The following WDR5 variants were observed in gnomAD, a reference collection of about 807,000 sequenced individuals.
WDR5 encodes the protein WD repeat domain 5, also known as WD repeat-containing protein 5.
For missense variants in WDR5, 187 were observed against 416.9 expected (o/e 0.45, Z 4.80); for synonymous variants, 144 against 161.6 (o/e 0.89, Z 0.83).
chr9:134,158,022 G>C lies in WDR5; in HGVS notation c.*29G>C, dbSNP rs1203129645. 6.2e-7 allele frequency: 1 copy of C among 1,605,392 alleles called. No homozygotes were observed. The highest frequency in any genetic ancestry group is 8.5e-7 in the Non-Finnish European group (1 of 1,172,246). The stretch of plus-strand genomic sequence containing the variant: ...CCTTTGCTCCTGCCCGCGAGAGACT[G>C]TCGGGAAGTTGACCCGGATTGGCAA... On this transcript the variant is annotated 3_prime_UTR_variant, in exon 14 of 14. Coordinates refer to ENST00000358625, the MANE Select transcript of WDR5 (RefSeq NM_017588.3).
At chr9:134,145,096 G>GTTTTTTTTTTGTTT (rs1832110449) in intron 7 of WDR5, among the ~76,000 whole-genome samples, 2 of 104,664 alleles carry the variant, frequency 1.9e-5, no homozygotes, top group African/African-American at 6.9e-5. Flanking sequence ...GTGGGGCTTT[G>GTTTTTTTTTTGTTT]TTTTTTTTTT....
rs752479596 is a variant in WDR5, at chr9:134,158,024, C to T, written c.*31C>T. ...TTTGCTCCTGCCCGCGAGAGACTGT[C>T]GGGAAGTTGACCCGGATTGGCAAGA... On this transcript the variant is annotated 3_prime_UTR_variant, in exon 14 of 14. Coordinates refer to ENST00000358625, the MANE Select transcript of WDR5 (RefSeq NM_017588.3). 12 of 1,603,874 alleles carry T rather than the reference C, an allele frequency of 7.5e-6. No homozygotes were observed. The highest frequency in any genetic ancestry group is 5.5e-5 in the South Asian group (5 of 90,798).
chr9:134,157,828 C>A lies in WDR5; in HGVS notation c.905-65C>A. ...TTTCTGGAGAAAGGTGGAGCTCAGT[C>A]TGGGATGGCGTCCCCGACCCAGGCG... On this transcript the variant is annotated intron_variant, in intron 13 of 13. Coordinates refer to ENST00000358625, the MANE Select transcript of WDR5 (RefSeq NM_017588.3). The surrounding 1 kb of genome is among the most constrained non-coding windows in gnomAD (Gnocchi z 5.0). 1 of 1,517,592 alleles carries A rather than the reference C, an allele frequency of 6.6e-7. No individual in the cohort carries two copies. Among genetic ancestry groups the A allele is most frequent in the Non-Finnish European group, 9.1e-7 (1 of 1,095,548 alleles). The allele number at this position is 1,517,592 out of a possible 1,614,324, so 94.0% of individuals were successfully genotyped here.
At chr9:134,142,846 A>C in intron 7 of WDR5, 127 bp downstream of exon 7, 2 of 936,146 alleles carry the variant, frequency 2.1e-6, no homozygotes, top group East Asian at 4.9e-5. Context: ...TCCTGCTGTC[A>C]TGCCACAGTC....
At chr9:134,137,454 G>A (rs28533919) in intron 1 of WDR5, among the ~76,000 whole-genome samples, 4,461 of 152,048 alleles carry the variant, frequency 0.029, 227 homozygotes, top group African/African-American at 0.1. Flanking sequence ...AGGCTGAGGC[G>A]GGCGGATTGC....
chr9:134,152,549 G>A (rs910939360), intron 9 of WDR5, among the ~76,000 whole-genome samples: 1 of 152,212 alleles, frequency 6.6e-6, no homozygotes, highest in African/African-American at 2.4e-5. Context: ...GTGACGGCCC[G>A]GGGTTCCCAG....
rs2132602439 is a variant in WDR5, at chr9:134,159,556, AG to A, written c.*1565del. 6.6e-6 allele frequency: 1 copy of A among 152,288 alleles called. No individual in the cohort carries two copies. The highest frequency in any genetic ancestry group is 1.9e-4 in the East Asian group (1 of 5,166). The allele number at this position is 152,288 out of a possible 1,614,324, so 9.4% of individuals were successfully genotyped here. On this transcript the variant is annotated 3_prime_UTR_variant, in exon 14 of 14. Transcript: ENST00000358625. This position sits in a 1 kb window ranked among gnomAD's most constrained non-coding sequence, Gnocchi z 4.3. Reference sequence around the variant, plus strand: ...TGGAGGTCCTCGAGTGGCAGGGGTGAGGAGGGGATTATCTGAGGCATCTGGA... The same window carrying A: ...TGGAGGTCCTCGAGTGGCAGGGGTGAGAGGGGATTATCTGAGGCATCTGGA...
intron 9 of WDR5, among the ~76,000 whole-genome samples, chr9:134,153,763 TG>T (rs1413754960): frequency 6.7e-6 from 1 of 149,580 alleles, no homozygotes; most frequent in Non-Finnish European, 1.5e-5. Flanking sequence ...GGGTCTCTGG[TG>T]GGGCCCAGGG....
At chr9:134,135,699 G>C (rs1831501560), upstream of WDR5, 1 of 152,122 alleles carries the variant, frequency 6.6e-6, no homozygotes, top group African/African-American at 2.4e-5. Flanking sequence ...GAAGGGGCCT[G>C]GTCGCCCGGG....
rs1831881298 is a variant in WDR5 at position 134,141,423 on chromosome 9, C to T, written c.191-87C>T. On this transcript the variant is annotated intron_variant, in intron 3 of 13. Coordinates refer to ENST00000358625, the MANE Select transcript of WDR5 (RefSeq NM_017588.3). Reference sequence around the variant, plus strand: ...TGGTTCATGCTGATCACCTGGGACTCATGTGGGAAAAGCTCAGACTTTGGA... The same window carrying T: ...TGGTTCATGCTGATCACCTGGGACTTATGTGGGAAAAGCTCAGACTTTGGA... 22 of 1,326,022 alleles carry T rather than the reference C, an allele frequency of 1.7e-5. No individual in the cohort carries two copies. In the South Asian group the frequency reaches 2.6e-4, roughly 16 times the overall value. The allele number at this position is 1,326,022 out of a possible 1,614,324, so 82.1% of individuals were successfully genotyped here.
At chr9:134,136,075 G>C (rs1302603606), upstream of WDR5, 3 of 123,606 alleles carry the variant, frequency 2.4e-5, no homozygotes, top group Non-Finnish European at 3.3e-5. Flanking sequence ...TCGCGCACGC[G>C]CACTGCGCCC....
rs780723438 is a variant in WDR5, at chr9:134,142,760, C to G, written c.528+41C>G. On this transcript the variant is annotated intron_variant, in intron 7 of 13. Transcript: ENST00000358625. ...ACGGATGGGGTGGTGTCCAGCACTA[C>G]GTTTCTCTGACATCGGATGTGGCCA... The G allele has an allele frequency of 5.6e-6, 9 of 1,597,662 alleles. No homozygotes were observed. In the South Asian group the frequency reaches 8.8e-5, roughly 16 times the overall value.
Position 134,155,325 on chromosome 9 carries a change from C to G in WDR5, c.708-15C>G. The G allele has an allele frequency of 6.3e-7, 1 of 1,594,388 alleles. No individual in the cohort carries two copies. Among genetic ancestry groups the G allele is most frequent in the East Asian group, 2.3e-5 (1 of 43,878 alleles). On this transcript the variant is annotated splice_polypyrimidine_tract_variant and intron_variant, in intron 10 of 13. Coordinates refer to ENST00000358625, the MANE Select transcript of WDR5 (RefSeq NM_017588.3). ...CCTCCAGACATGCCGCCTCACCCCT[C>G]TCTCTGTCTTGCAGCACTCTGAAGC...
intron 7 of WDR5, among the ~76,000 whole-genome samples, chr9:134,144,587 T>A (rs552898761): frequency 6.6e-6 from 1 of 152,198 alleles, no homozygotes; most frequent in East Asian, 1.9e-4. Flanking sequence ...CACCTGTAAT[T>A]CCAGCACTTT....
rs752428570 is a variant in WDR5 at position 134,155,384 on chromosome 9, G to C, written c.741+11G>C. On this transcript the variant is annotated intron_variant, in intron 11 of 13. Transcript: ENST00000358625. ...TACAGCAAGGGGAAGGTGAGCCCCC[G>C]CAGGCTTGGGCCCCCATGGTGCACC... is the stretch of plus-strand genomic sequence containing the variant. 1 of 1,600,474 alleles carries C rather than the reference G, an allele frequency of 6.2e-7. No individual in the cohort carries two copies. The highest frequency in any genetic ancestry group is 1.7e-5 in the Admixed American group (1 of 57,482).
chr9:134,144,420 T>C (rs1832063252), intron 7 of WDR5, among the ~76,000 whole-genome samples: 1 of 152,076 alleles, frequency 6.6e-6, no homozygotes, highest in South Asian at 2.1e-4. Flanking sequence ...CTGGTGGCCT[T>C]TGAGTTGGAA....
Position 134,141,601 on chromosome 9 carries a change from G to C in WDR5, c.264+18G>C, listed in dbSNP as rs906655364. 6.2e-7 allele frequency: 1 copy of C among 1,613,980 alleles called. No individual in the cohort carries two copies. On this transcript the variant is annotated intron_variant, in intron 4 of 13. Coordinates refer to ENST00000358625, the MANE Select transcript of WDR5 (RefSeq NM_017588.3). ...ACAAGCTGGTAGGTTTCAGCCCTGT[G>C]CGGTGAAGTTGACTGTTGAACAGGG... is the stretch of plus-strand genomic sequence containing the variant.
At chr9:134,140,870 G>C in intron 3 of WDR5, 59 bp downstream of exon 3, 1 of 1,526,766 alleles carries the variant, frequency 6.5e-7, no homozygotes, top group South Asian at 1.1e-5. Flanking sequence ...CAGACAAAAA[G>C]CTGGCGAGGG....
rs577085781 is a variant in WDR5, at chr9:134,155,870, C to T, written c.816+103C>T. 6.8e-5 allele frequency: 72 copies of T among 1,058,054 alleles called. No homozygotes were observed. In the African/African-American group the frequency reaches 9.6e-4, roughly 14 times the overall value. 65.5% of individuals were successfully genotyped at this position (1,058,054 alleles called of 1,614,324 possible). On this transcript the variant is annotated intron_variant, in intron 12 of 13. Coordinates refer to ENST00000358625, the MANE Select transcript of WDR5 (RefSeq NM_017588.3). ...TTATACTCAGAGACACTTTTCTGTGCCCACAAAATGAATTTCCATTTCAAC... is the reference window on the plus strand; with the variant it reads ...TTATACTCAGAGACACTTTTCTGTGTCCACAAAATGAATTTCCATTTCAAC...
Sources: allele counts gnomAD v4.1 joint callset (sites outside exome capture counted in the v4.1 genomes callset), GRCh38; gene constraint gnomAD v4.1.1; non-coding constraint Gnocchi (gnomAD v3.1); transcripts MANE v1.5; gene names NCBI Gene and HGNC (gene_info 2026-07-23, HGNC 2026-07-21).